ADGRL2: variants seen among roughly 807,000 people sequenced by gnomAD.
ADGRL2 encodes the protein adhesion G protein-coupled receptor L2.
In ADGRL2, 44 loss-of-function variants were observed where a neutral mutation model predicts 157.4. That is an observed-to-expected ratio of 0.28 (90% CI 0.22 to 0.36). ADGRL2 has a LOEUF of 0.36. Among genes scored for constraint, ADGRL2 ranks in the 10% least tolerant of loss-of-function variants. ADGRL2 has a pLI of 1.00. For missense variants in ADGRL2, 1,510 were observed against 1,768.9 expected (o/e 0.85, Z 2.63); for synonymous variants, 585 against 624.7 (o/e 0.94, Z 0.95).
chr1:81,537,268 A>G (rs1012725297), intron 2 of ADGRL2, among the ~76,000 whole-genome samples: 3 of 151,924 alleles, frequency 2.0e-5, no homozygotes, highest in African/African-American at 7.2e-5. Flanking sequence ...CAGTATGACT[A>G]TTTCTTTTTT....
At chr1:81,335,232 G>T (rs967597710) in intron 1 of ADGRL2, among the ~76,000 whole-genome samples, 2 of 152,050 alleles carry the variant, frequency 1.3e-5, no homozygotes, top group African/African-American at 4.8e-5. Flanking sequence ...AATACTTTTT[G>T]TGAAGTATTT....
intron 3 of ADGRL2, among the ~76,000 whole-genome samples, chr1:81,659,055 T>A (rs1345105612): frequency 9.6e-5 from 6 of 62,718 alleles, no homozygotes; most frequent in South Asian, 4.6e-4. Flanking sequence ...CCCAGCAATT[T>A]TTTTTTTTTT....
chr1:81,560,421 C>T (rs2080412992), intron 2 of ADGRL2, among the ~76,000 whole-genome samples: 1 of 152,164 alleles, frequency 6.6e-6, no homozygotes, highest in African/African-American at 2.4e-5. Context: ...AGTTAATATA[C>T]ATCGAATCCT....
chr1:81,346,101 G>T lies in ADGRL2; in HGVS notation c.-302+39592G>T, dbSNP rs111722172. 2.5e-3 allele frequency among the ~76,000 whole-genome samples: 378 copies of T among 152,260 alleles called. 2 individuals are homozygous for T. The highest frequency in any genetic ancestry group is 8.6e-3 in the African/African-American group (358 of 41,544). On this transcript the variant is annotated intron_variant, in intron 1 of 24. Coordinates refer to the ADGRL2 transcript ENST00000370721. ...CTGTTAACCCAAAGCTAAGTTGCAC[G>T]CTGATAAATATTAGAAATATTGACA...
At chr1:81,632,495 A>G (rs1046608399) in intron 3 of ADGRL2, among the ~76,000 whole-genome samples, 2 of 152,140 alleles carry the variant, frequency 1.3e-5, no homozygotes, top group Admixed American at 1.3e-4. Flanking sequence ...ACGGTGGCTT[A>G]TGCCTGTAAT....
At chr1:81,513,718 AGTTCTAAACCAATTG>A (rs948389263) in intron 2 of ADGRL2, among the ~76,000 whole-genome samples, 6 of 152,180 alleles carry the variant, frequency 3.9e-5, no homozygotes, top group South Asian at 2.1e-4. Context: ...AAGAAGAGGA[AGTTCTAAACCAATTG>A]GTTCTAAACC....
chr1:81,875,570 C>G (rs1450909224), intron 2 of ADGRL2, among the ~76,000 whole-genome samples: 1 of 152,044 alleles, frequency 6.6e-6, no homozygotes, highest in African/African-American at 2.4e-5. Flanking sequence ...ATATTGTGAC[C>G]AGATTCTTGA....
intron 1 of ADGRL2, among the ~76,000 whole-genome samples, chr1:81,402,110 C>T (rs1007040990): frequency 3.9e-5 from 6 of 152,144 alleles, no homozygotes; most frequent in African/African-American, 1.4e-4. Flanking sequence ...GTCTGTCTTC[C>T]TTCTTTCTCA....
intron 3 of ADGRL2, among the ~76,000 whole-genome samples, chr1:81,591,413 G>C (rs532296211): frequency 6.6e-6 from 1 of 152,132 alleles, no homozygotes; most frequent in Non-Finnish European, 1.5e-5. Context: ...CCATGAGCCT[G>C]ATCTCCAAAC....
chr1:81,501,118 G>T (rs2078836432), intron 2 of ADGRL2, among the ~76,000 whole-genome samples: 1 of 152,154 alleles, frequency 6.6e-6, no homozygotes. Context: ...ACTCGCAGGG[G>T]CAAAATTACT....
intron 1 of ADGRL2, among the ~76,000 whole-genome samples, chr1:81,391,147 C>A (rs1336512037): frequency 6.6e-6 from 1 of 152,304 alleles, no homozygotes. Flanking sequence ...AATAAATGCC[C>A]TTATCTGAAA....
intron 2 of ADGRL2, among the ~76,000 whole-genome samples, chr1:81,463,782 A>C (rs538756044): frequency 6.6e-6 from 1 of 152,218 alleles, no homozygotes; most frequent in African/African-American, 2.4e-5. Flanking sequence ...CAGGAGATTG[A>C]TGTGTATAAA....
chr1:81,506,686 G>A (rs1184094375), intron 2 of ADGRL2, among the ~76,000 whole-genome samples: 1 of 151,938 alleles, frequency 6.6e-6, no homozygotes, highest in Admixed American at 6.6e-5. Flanking sequence ...CTCCAGCCTG[G>A]GTGACTGAGT....
chr1:81,839,173 T>C (rs936318307), intron 2 of ADGRL2, among the ~76,000 whole-genome samples: 1 of 152,048 alleles, frequency 6.6e-6, no homozygotes, highest in Admixed American at 6.6e-5. Context: ...TACATGATTG[T>C]AACCTTTTAA....
intron 1 of ADGRL2, among the ~76,000 whole-genome samples, chr1:81,376,392 G>C (rs959291167): frequency 2.1e-4 from 32 of 152,188 alleles, no homozygotes; most frequent in Non-Finnish European, 2.1e-4. Flanking sequence ...TGTGGAGGCA[G>C]CCCAAATGCC....
intron 1 of ADGRL2, among the ~76,000 whole-genome samples, chr1:81,717,264 TC>T (rs1339309154): frequency 1.3e-5 from 2 of 152,170 alleles, no homozygotes; most frequent in Non-Finnish European, 2.9e-5. Context: ...TATATGATTC[TC>T]CGGGTAAGTC....
intron 2 of ADGRL2, among the ~76,000 whole-genome samples, chr1:81,864,896 G>C (rs2093492399): frequency 6.6e-6 from 1 of 152,158 alleles, no homozygotes; most frequent in Admixed American, 6.5e-5. Context: ...TGAGGCAGGA[G>C]AATCCCTTGC....
intron 2 of ADGRL2, 107 bp from the exon 3 acceptor site, chr1:81,906,910 A>G (rs780064116): frequency 7.1e-5 from 60 of 840,648 alleles, no homozygotes; most frequent in Non-Finnish European, 9.2e-5. Context: ...GAATTTTATG[A>G]CATCTCTTGA....
At chr1:81,417,932 C>G (rs2077059796) in intron 1 of ADGRL2, among the ~76,000 whole-genome samples, 1 of 152,198 alleles carries the variant, frequency 6.6e-6, no homozygotes, top group Non-Finnish European at 1.5e-5. Flanking sequence ...AATATCACAC[C>G]CACTTTTACT....
Sources: allele counts gnomAD v4.1 joint callset (sites outside exome capture counted in the v4.1 genomes callset), GRCh38; gene constraint gnomAD v4.1.1; transcripts MANE v1.5; gene names NCBI Gene and HGNC (gene_info 2026-07-23, HGNC 2026-07-21).